The following IL19 variants were observed in gnomAD, a reference collection of about 807,000 sequenced individuals.
IL19 encodes the protein interleukin-19.
A neutral mutation model predicts 19.5 loss-of-function variants in IL19; 15 were observed. The ratio of observed to expected loss-of-function variants is 0.77; its 90% CI spans 0.52 to 1.19. The LOEUF (loss-of-function observed/expected upper bound fraction) is 1.19. Ranked by LOEUF, IL19 falls within the 50% of genes most tolerant of loss-of-function variation. The pLI, the probability that IL19 is intolerant of heterozygous loss-of-function variation, is 0.00. For missense variants in IL19, 199 were observed against 213.1 expected (o/e 0.93, Z 0.41); for synonymous variants, 78 against 78.3 (o/e 1.00, Z 0.02).
intron 1 of IL19, among the ~76,000 whole-genome samples, chr1:206,781,414 C>CAAAAAAAAAAAAAAAAAAAAAAAGA (rs1675124363): frequency 2.3e-5 from 1 of 43,028 alleles, no homozygotes. Context: ...GACTCTGTCT[C>CAAAAAAAAAAAAAAAAAAAAAAAGA]AAAAAAAAAA....
chr1:206,778,591 A>G (rs1675062174), intron 1 of IL19, among the ~76,000 whole-genome samples: 1 of 152,172 alleles, frequency 6.6e-6, no homozygotes, highest in African/African-American at 2.4e-5. Context: ...CATGACTAAA[A>G]AAGTCCTCCC....
chr1:206,802,330 G>A (rs977251978), intron 2 of IL19, among the ~76,000 whole-genome samples: 2 of 152,094 alleles, frequency 1.3e-5, no homozygotes, highest in African/African-American at 4.8e-5. Flanking sequence ...GAGGAAAGGT[G>A]TACATGACAG....
chr1:206,794,655 CA>C (rs963259776), intron 1 of IL19, among the ~76,000 whole-genome samples: 1 of 152,166 alleles, frequency 6.6e-6, no homozygotes, highest in African/African-American at 2.4e-5. Flanking sequence ...TGACAAGTCA[CA>C]AGGTGAGCAA....
chr1:206,815,658 G>A (rs867847487), intron 2 of IL19, among the ~76,000 whole-genome samples: 1 of 152,006 alleles, frequency 6.6e-6, no homozygotes, highest in African/African-American at 2.4e-5. Context: ...TATATGAAAC[G>A]TAGTCTTGGT....
At chr1:206,805,364 A>G (rs556988986) in intron 2 of IL19, among the ~76,000 whole-genome samples, 1 of 152,366 alleles carries the variant, frequency 6.6e-6, no homozygotes, top group South Asian at 2.1e-4. Flanking sequence ...TGATAGATTC[A>G]GGAAAATCAT....
At chr1:206,801,029 T>C (rs1675668257) in intron 2 of IL19, among the ~76,000 whole-genome samples, 1 of 152,216 alleles carries the variant, frequency 6.6e-6, no homozygotes, top group African/African-American at 2.4e-5. Context: ...GAGATTCTGG[T>C]GAAATTTGTC....
intron 1 of IL19, among the ~76,000 whole-genome samples, chr1:206,782,680 G>A (rs1675176385): frequency 6.6e-6 from 1 of 152,170 alleles, no homozygotes; most frequent in African/African-American, 2.4e-5. Context: ...AAAACCCATG[G>A]GAGTTCTGGG....
rs2243181 is a variant in IL19, at chr1:206,840,087, G to T, written c.363+85G>T. On this transcript the variant is annotated intron_variant, in intron 5 of 6. Coordinates refer to ENST00000659997, the MANE Select transcript of IL19 (RefSeq NM_153758.5). Reference sequence around the variant, plus strand: ...AAGTGCTGGCCCCCATCGGCCTCCTGATATGGTGCTTGGAGTCAAAGGAAA... The same window carrying T: ...AAGTGCTGGCCCCCATCGGCCTCCTTATATGGTGCTTGGAGTCAAAGGAAA... 12,880 of 1,446,614 alleles carry T rather than the reference G, an allele frequency of 8.9e-3. 1,005 individuals are homozygous for T. The African/African-American group carries it at 0.16, about 18-fold the overall frequency. The allele number at this position is 1,446,614 out of a possible 1,614,324, so 89.6% of individuals were successfully genotyped here. A position where few individuals can be genotyped will look rare whatever the true frequency, so the allele number is the denominator to read the frequency against.
At chr1:206,804,597 T>G (rs548310028) in intron 2 of IL19, among the ~76,000 whole-genome samples, 43 of 152,256 alleles carry the variant, frequency 2.8e-4, no homozygotes, top group Admixed American at 6.5e-4. Flanking sequence ...CCAGGTACAA[T>G]GCAAACCCAG....
intron 2 of IL19, among the ~76,000 whole-genome samples, chr1:206,808,271 G>T (rs1256691134): frequency 2.6e-5 from 4 of 152,168 alleles, no homozygotes; most frequent in African/African-American, 9.7e-5. Context: ...GCGGAGTTGC[G>T]GTGAGCCAAG....
At chr1:206,780,563 C>T (rs1025239064) in intron 1 of IL19, among the ~76,000 whole-genome samples, 9 of 152,254 alleles carry the variant, frequency 5.9e-5, no homozygotes, top group Admixed American at 3.9e-4. Flanking sequence ...CTCTTCCAGG[C>T]GGATGTTAAC....
At chr1:206,824,864 G>A (rs1378754892) in intron 2 of IL19, among the ~76,000 whole-genome samples, 1 of 152,214 alleles carries the variant, frequency 6.6e-6, no homozygotes, top group Non-Finnish European at 1.5e-5. Context: ...CTGGGTTCAA[G>A]CGATTATCCT....
At chr1:206,771,789 C>A (rs139686222) in intron 1 of IL19, among the ~76,000 whole-genome samples, 2 of 152,348 alleles carry the variant, frequency 1.3e-5, no homozygotes, top group East Asian at 3.9e-4. Context: ...CCACTGTAGA[C>A]ATCCAGTTTA....
At chr1:206,778,899 C>T (rs1675069389) in intron 1 of IL19, among the ~76,000 whole-genome samples, 1 of 152,236 alleles carries the variant, frequency 6.6e-6, no homozygotes, top group Admixed American at 6.5e-5. Context: ...ACTGATTTGT[C>T]TCCATTTCCA....
At chr1:206,813,335 G>A (rs1037330495) in intron 2 of IL19, among the ~76,000 whole-genome samples, 2 of 152,188 alleles carry the variant, frequency 1.3e-5, no homozygotes, top group Non-Finnish European at 2.9e-5. Flanking sequence ...TGGTTCCTGT[G>A]AGTGTTACCC....
chr1:206,836,568 C>A, intron 2 of IL19, 93 bp from the exon 3 acceptor site: 2 of 1,212,994 alleles, frequency 1.6e-6, no homozygotes, highest in Non-Finnish European at 2.3e-6. Context: ...TCCCGGCTTG[C>A]CTTCGAGGCT....
intron 2 of IL19, among the ~76,000 whole-genome samples, chr1:206,802,403 G>A (rs755427917): frequency 6.6e-6 from 1 of 152,028 alleles, no homozygotes; most frequent in Non-Finnish European, 1.5e-5. Context: ...CAAAACCTGG[G>A]CTAAGCATTT....
In IL19 at chr1:206,799,140, A is replaced by G. The variant is rs1675608785; in HGVS notation, c.-3+134A>G. ...ACTGACAGGACTGCCTTTGTCTGTC[A>G]TAAAGTTCCTTATTGCCAGACTGCT... On this transcript the variant is annotated intron_variant, in intron 2 of 6. Transcript: ENST00000659997. 8.7e-6 allele frequency: 6 copies of G among 693,442 alleles called. 1 individual carries two copies. The South Asian group carries it at 1.0e-4, about 12-fold the overall frequency. 43.0% of individuals were successfully genotyped at this position (693,442 alleles called of 1,614,324 possible).
intron 1 of IL19, among the ~76,000 whole-genome samples, chr1:206,777,042 T>C (rs1284722959): frequency 6.6e-6 from 1 of 151,166 alleles, no homozygotes; most frequent in Non-Finnish European, 1.5e-5. Context: ...CCACCCTGGC[T>C]AACACGGTGA....
Sources: gnomAD v4.1 joint callset for allele counts (sites outside exome capture counted in the v4.1 genomes callset) on GRCh38, gnomAD v4.1.1 for gene constraint, MANE v1.5 for transcripts, NCBI Gene and HGNC (gene_info 2026-07-23, HGNC 2026-07-21) for gene names.